DNAH14: variants seen among roughly 807,000 people sequenced by gnomAD.
The protein encoded by DNAH14 is axonemal beta dynein heavy chain 14.
DNAH14 carries 478 observed loss-of-function variants against 520.9 expected under a neutral mutation model. That is an observed-to-expected ratio of 0.92 (90% CI 0.85 to 0.99). The LOEUF is 0.99. Among genes scored for constraint, DNAH14 ranks in the 50% least tolerant of loss-of-function variants. The pLI, the probability that DNAH14 is intolerant of heterozygous loss-of-function variation, is 0.00. For missense variants in DNAH14, 4,831 were observed against 5,234.5 expected, an observed-to-expected ratio of 0.92 and a Z score of 2.38; for synonymous variants, 1,581 against 1,757.2, an observed-to-expected ratio of 0.90 and a Z score of 2.51.
At chr1:225,116,929 T>G (rs1200698123) in intron 23 of DNAH14, among the ~76,000 whole-genome samples, 2 of 152,132 alleles carry the variant, frequency 1.3e-5, no homozygotes, top group African/African-American at 4.8e-5. Context: ...ACTTCACAAG[T>G]TCTTTTCAAG....
chr1:225,047,061 G>A (rs907566118), intron 15 of DNAH14, among the ~76,000 whole-genome samples: 4 of 152,178 alleles, frequency 2.6e-5, no homozygotes, highest in Admixed American at 6.5e-5. Context: ...CACTAGATGT[G>A]CTCATTGCTA....
rs1429733151 is a variant in DNAH14 at position 225,093,238 on chromosome 1, ATAC to A, written c.3574-3877_3574-3875del. Among the ~76,000 whole-genome samples the A allele has an allele frequency of 3.9e-5, 6 of 152,248 alleles. No homozygotes were observed. The East Asian group carries it at 1.2e-3, about 29-fold the overall frequency. On this transcript the variant is annotated intron_variant, in intron 21 of 85. Coordinates refer to ENST00000682510, the MANE Select transcript of DNAH14 (RefSeq NM_001367479.1). The stretch of plus-strand genomic sequence containing the variant: ...ATCCTTGACAAACATGCACATAAAA[ATAC>A]TAGCAAACTGAACCCAGCAGCACAT...
intron 64 of DNAH14, among the ~76,000 whole-genome samples, chr1:225,325,526 A>G (rs532868754): frequency 6.6e-5 from 10 of 152,108 alleles, no homozygotes; most frequent in Admixed American, 1.3e-4. Flanking sequence ...ACCTGTTTAT[A>G]TCATTACCCT....
At position 225,276,971 on chromosome 1, in the gene DNAH14, AAGGAAGGAAGGAAGGG is replaced by A. The variant is rs1558241135; in HGVS notation, c.8179-435_8179-420del. On this transcript the variant is annotated intron_variant, in intron 53 of 85. Coordinates refer to ENST00000682510, the MANE Select transcript of DNAH14 (RefSeq NM_001367479.1). Reference sequence around the variant, plus strand: ...GAAGGAAGGAAGGAAGGAAGGAAGGAAGGAAGGAAGGAAGGGAGGGAGGAAGGAAGGGAGGGAGGGA... The same window carrying A: ...GAAGGAAGGAAGGAAGGAAGGAAGGAAGGGAGGAAGGAAGGGAGGGAGGGA... Among the ~76,000 whole-genome samples the A allele has an allele frequency of 5.7e-3, 330 of 57,742 alleles. 5 individuals carry two copies. Among genetic ancestry groups the A allele is most frequent in the African/African-American group, 0.023 (288 of 12,356 alleles). The allele number at this position is 57,742 out of a possible 152,430, so 37.9% of individuals were successfully genotyped here. A position where few individuals can be genotyped will look rare whatever the true frequency, so the allele number is the denominator to read the frequency against.
At position 225,338,072 on chromosome 1, in the gene DNAH14, G is replaced by T; in HGVS notation, c.10323G>T (p.Glu3441Asp). Residue 3441 changes from glutamate (E) to aspartate (D), a missense_variant, in exon 68 of 86, where the codon GAG (glutamate) becomes GAT (aspartate). Physicochemically the swap from Glu to Asp is conservative, Grantham distance 45 (BLOSUM62 2). Transcript: ENST00000682510. Reference protein sequence around the residue: ...GGSVLLQNLLETLAPGLKAIL... With the variant: ...GGSVLLQNLLDTLAPGLKAIL... ...ATTGGGTTTTTCAGAATCTCCTTGA[G>T]ACATTAGCTCCAGGCTTAAAGGCAA... 1 of 1,541,454 alleles carries T rather than the reference G, an allele frequency of 6.5e-7. No homozygotes were observed. The highest frequency in any genetic ancestry group is 1.4e-5 in the African/African-American group (1 of 72,042).
chr1:225,272,377 T>A (rs1209503301), intron 51 of DNAH14, among the ~76,000 whole-genome samples: 2 of 152,212 alleles, frequency 1.3e-5, no homozygotes, highest in African/African-American at 4.8e-5. Context: ...ATTGTGGCTG[T>A]CAGAAAATGA....
In DNAH14 at chr1:225,360,891, C is replaced by T. The variant is rs551596103; in HGVS notation, c.11987C>T (p.Ser3996Phe). The change falls in exon 75 of 86, where the codon TCT (serine) becomes TTT (phenylalanine). Residue 3996 changes from serine to phenylalanine, a missense_variant and splice_region_variant. Ser to Phe is a radical substitution (Grantham distance 155, BLOSUM62 -2). Transcript: ENST00000682510. ...CCAAGGCTTTGCACAATTGTAGAAT[C>T]GTAAGAGTTTTACATTTATCTGTAA... ...FMPRLCTIVE[S>F]FNSPNVTIDP... The T allele has an allele frequency of 1.4e-5, 21 of 1,550,634 alleles. No homozygotes were observed. In the African/African-American group the frequency reaches 1.6e-4, roughly 12 times the overall value.
intron 23 of DNAH14, among the ~76,000 whole-genome samples, chr1:225,101,830 A>G (rs564475625): frequency 1.3e-5 from 2 of 152,092 alleles, no homozygotes; most frequent in African/African-American, 2.4e-5. Flanking sequence ...CAGAGTGCAG[A>G]TATGTCTTCA....
chr1:225,193,161 G>A (rs1224788775), intron 38 of DNAH14, among the ~76,000 whole-genome samples: 2 of 152,052 alleles, frequency 1.3e-5, no homozygotes, highest in Non-Finnish European at 2.9e-5. Flanking sequence ...AGCACAAAGT[G>A]AATTAAGTTT....
At position 224,980,389 on chromosome 1, in the gene DNAH14, C is replaced by T. The variant is rs2062176548; in HGVS notation, c.830+6236C>T. ...GTGGTGGTGGTGGCCACGGGGATTTCCTCTGCCTGTGGAGAGAGGAAGGAA... is the reference window on the plus strand; with the variant it reads ...GTGGTGGTGGTGGCCACGGGGATTTTCTCTGCCTGTGGAGAGAGGAAGGAA... On this transcript the variant is annotated intron_variant, in intron 8 of 85. Coordinates refer to ENST00000682510, the MANE Select transcript of DNAH14 (RefSeq NM_001367479.1). Among the ~76,000 whole-genome samples, 3 of 151,986 alleles carry T rather than the reference C, an allele frequency of 2.0e-5. No individual in the cohort carries two copies. In the South Asian group the frequency reaches 6.2e-4, roughly 32 times the overall value.
chr1:225,010,667 A>G (rs1213087432), intron 10 of DNAH14, among the ~76,000 whole-genome samples: 1 of 152,150 alleles, frequency 6.6e-6, no homozygotes, highest in Non-Finnish European at 1.5e-5. Flanking sequence ...TTCAGACAGA[A>G]TGGTACCAGC....
chr1:225,341,071 G>A (rs376065469), intron 69 of DNAH14, among the ~76,000 whole-genome samples: 25 of 152,044 alleles, frequency 1.6e-4, no homozygotes, highest in East Asian at 7.7e-4. Context: ...TTTTCCCCAA[G>A]TATTAATAAT....
chr1:225,162,992 G>A (rs1466935482), intron 35 of DNAH14, among the ~76,000 whole-genome samples: 2 of 151,896 alleles, frequency 1.3e-5, no homozygotes, highest in African/African-American at 4.8e-5. Flanking sequence ...CAAAAAATTA[G>A]CGGGGCGTGG....
chr1:225,106,082 G>T (rs1176114677), intron 23 of DNAH14, among the ~76,000 whole-genome samples: 2 of 146,804 alleles, frequency 1.4e-5, no homozygotes, highest in Non-Finnish European at 2.9e-5. Context: ...GCCTGGTGGT[G>T]ACAAAATCTC....
At chr1:224,953,129 C>CTT (rs56337123) in intron 2 of DNAH14, 10 of 151,474 alleles carry the variant, frequency 6.6e-5, no homozygotes, top group African/African-American at 2.1e-4. Context: ...CATAGAAATA[C>CTT]TTTTTTTTTT....
chr1:225,330,758 T>C (rs776410221), intron 64 of DNAH14, among the ~76,000 whole-genome samples: 1 of 152,126 alleles, frequency 6.6e-6, no homozygotes, highest in Non-Finnish European at 1.5e-5. Flanking sequence ...AACAGGGTGA[T>C]TGTAGTCAAT....
intron 38 of DNAH14, among the ~76,000 whole-genome samples, chr1:225,201,794 G>A (rs186284135): frequency 5.9e-5 from 9 of 152,120 alleles, no homozygotes; most frequent in East Asian, 1.9e-4. Context: ...GACTCTGTAC[G>A]GGTCCTTACC....
intron 21 of DNAH14, among the ~76,000 whole-genome samples, chr1:225,093,637 A>C (rs748231179): frequency 2.0e-5 from 3 of 152,134 alleles, no homozygotes; most frequent in Non-Finnish European, 4.4e-5. Context: ...AGCCAGAGTA[A>C]TTAGGGAAGA....
At position 224,976,466 on chromosome 1, in the gene DNAH14, C is replaced by T. The variant is rs1046711183; in HGVS notation, c.830+2313C>T. ...TCTAAAACACCAAAAGTAATGGCAA[C>T]GAAAGCCAAAATTGACAAATGGGAT... On this transcript the variant is annotated intron_variant, in intron 8 of 85. Transcript: ENST00000682510. Among the ~76,000 whole-genome samples the T allele has an allele frequency of 9.9e-5, 15 of 152,004 alleles. No homozygotes were observed. In the East Asian group the frequency reaches 1.2e-3, roughly 12 times the overall value.
Sources: allele counts gnomAD v4.1 joint callset (sites outside exome capture counted in the v4.1 genomes callset), GRCh38; gene constraint gnomAD v4.1.1; transcripts MANE v1.5; gene names NCBI Gene and HGNC (gene_info 2026-07-23, HGNC 2026-07-21).